Variants in OSBPL3 observed in about 807,000 individuals in gnomAD.
OSBPL3 encodes oxysterol binding protein like 3, also known as oxysterol-binding protein-related protein 3.
Under a neutral mutation model 120.1 loss-of-function variants are expected in OSBPL3, and 65 were observed. That is an observed-to-expected ratio of 0.54 (90% CI 0.44 to 0.67). The LOEUF is 0.67. Ranked by LOEUF, OSBPL3 falls within the 30% of genes least tolerant of loss-of-function variation. The pLI, the probability that OSBPL3 is intolerant of heterozygous loss-of-function variation, is 0.00. For missense variants in OSBPL3, 1,004 were observed against 1,082.1 expected, an observed-to-expected ratio of 0.93 and a Z score of 1.01; for synonymous variants, 416 against 402.6, an observed-to-expected ratio of 1.03 and a Z score of -0.40.
chr7:24,951,120 T>C (rs1393518288), intron 1 of OSBPL3, among the ~76,000 whole-genome samples: 2 of 152,146 alleles, frequency 1.3e-5, no homozygotes, highest in Admixed American at 6.6e-5. Flanking sequence ...AATCAAATTA[T>C]TGATTGTAGC....
rs1489066274 is a variant in OSBPL3 at position 24,808,949 on chromosome 7, G to A, written c.2317+858C>T. 6.6e-6 allele frequency among the ~76,000 whole-genome samples: 1 copy of A among 152,090 alleles called. No homozygotes were observed. Among genetic ancestry groups the A allele is most frequent in the Non-Finnish European group, 1.5e-5 (1 of 68,016 alleles). On this transcript the variant is annotated intron_variant, in intron 20 of 22. Transcript: ENST00000313367. The surrounding 1 kb of genome is among the most constrained non-coding windows in gnomAD (Gnocchi z 4.6). ...TCATGCAGGGGTATGACACTGAATG[G>A]TAACAACCATTTTGCATTCATTAGG...
rs879431172 is a variant in OSBPL3, at chr7:24,940,121, A to C, written c.-150+39765T>G. On this transcript the variant is annotated intron_variant, in intron 1 of 22. Coordinates refer to ENST00000313367, the MANE Select transcript of OSBPL3 (RefSeq NM_015550.4). This position sits in a 1 kb window ranked among gnomAD's most constrained non-coding sequence, Gnocchi z 4.4. ...AAATGAGATTGTGAAAGAAAGTTAT[A>C]TTCTTGAAGAGCATAATAAAGGTTT... is the stretch of plus-strand genomic sequence containing the variant. Among the ~76,000 whole-genome samples, 6 of 152,346 alleles carry C rather than the reference A, an allele frequency of 3.9e-5. No individual in the cohort carries two copies. Among genetic ancestry groups the C allele is most frequent in the Non-Finnish European group, 7.4e-5 (5 of 68,026 alleles).
intron 1 of OSBPL3, among the ~76,000 whole-genome samples, chr7:24,904,007 C>T (rs191085584): frequency 1.3e-5 from 2 of 152,120 alleles, no homozygotes; most frequent in Non-Finnish European, 2.9e-5. Flanking sequence ...CTCAGCCTCC[C>T]GAGTAGCGGA....
chr7:24,828,210 G>A (rs1795923716), intron 16 of OSBPL3, among the ~76,000 whole-genome samples: 1 of 152,096 alleles, frequency 6.6e-6, no homozygotes, highest in Non-Finnish European at 1.5e-5. Flanking sequence ...ATTCTTAGTA[G>A]AGATGGGGTT....
In OSBPL3 at chr7:24,955,024, G is replaced by A. The variant is rs925058657; in HGVS notation, c.-150+24862C>T. Among the ~76,000 whole-genome samples, 1 of 152,070 alleles carries A rather than the reference G, an allele frequency of 6.6e-6. No individual in the cohort carries two copies. Among genetic ancestry groups the A allele is most frequent in the Non-Finnish European group, 1.5e-5 (1 of 68,022 alleles). On this transcript the variant is annotated intron_variant, in intron 1 of 22. Coordinates refer to ENST00000313367, the MANE Select transcript of OSBPL3 (RefSeq NM_015550.4). This position sits in a 1 kb window ranked among gnomAD's most constrained non-coding sequence, Gnocchi z 4.3. Reference sequence around the variant, plus strand: ...GCCTCAAAGATCCATAATGTGCCTTGGTTACCTCTTGATTCTCAGTATCTG... The same window carrying A: ...GCCTCAAAGATCCATAATGTGCCTTAGTTACCTCTTGATTCTCAGTATCTG...
chr7:24,826,184 T>C (rs1795684051), intron 16 of OSBPL3, among the ~76,000 whole-genome samples: 1 of 152,204 alleles, frequency 6.6e-6, no homozygotes, highest in Non-Finnish European at 1.5e-5. Flanking sequence ...ACTTAGTCCC[T>C]GAACAGTAAG....
At position 24,882,310 on chromosome 7, in the gene OSBPL3, C is replaced by T. The variant is rs371696172; in HGVS notation, c.96+10067G>A. Among the ~76,000 whole-genome samples the T allele has an allele frequency of 2.0e-5, 3 of 150,780 alleles. No individual in the cohort carries two copies. The East Asian group carries it at 5.9e-4, about 30-fold the overall frequency. On this transcript the variant is annotated intron_variant, in intron 2 of 22. Coordinates refer to ENST00000313367, the MANE Select transcript of OSBPL3 (RefSeq NM_015550.4). ...TAGATCATTCCACTCTCTATGTCCA[C>T]CTGAATACATTTTTTAGCACTCACT...
Position 24,817,804 on chromosome 7 carries a change from A to G in OSBPL3, c.1949-1116T>C, listed in dbSNP as rs1794653692. Among the ~76,000 whole-genome samples, 2 of 152,232 alleles carry G rather than the reference A, an allele frequency of 1.3e-5. No individual in the cohort carries two copies. Among genetic ancestry groups the G allele is most frequent in the Non-Finnish European group, 2.9e-5 (2 of 68,038 alleles). ...AAATACTAAAGAAGAAGAAATAGGC[A>G]CTAGGTCAACTAGGTGACAAGTTAG... On this transcript the variant is annotated intron_variant, in intron 17 of 22. Coordinates refer to ENST00000313367, the MANE Select transcript of OSBPL3 (RefSeq NM_015550.4). This position sits in a 1 kb window ranked among gnomAD's most constrained non-coding sequence, Gnocchi z 4.0.
At chr7:24,981,761 AATCG>A (rs1818390551), upstream of OSBPL3, 1 of 152,184 alleles carries the variant, frequency 6.6e-6, no homozygotes, top group Non-Finnish European at 1.5e-5. The surrounding 1 kb of genome is among the most constrained non-coding windows in gnomAD (Gnocchi z 7.3). Context: ...GAAGATTTCA[AATCG>A]AATGACTCCG....
intron 1 of OSBPL3, among the ~76,000 whole-genome samples, chr7:24,911,803 A>G (rs1377890075): frequency 6.6e-6 from 1 of 152,238 alleles, no homozygotes; most frequent in African/African-American, 2.4e-5. Flanking sequence ...GATTACTGCA[A>G]AAAACTTAAC....
chr7:24,942,622 T>A (rs1813234788), intron 1 of OSBPL3, among the ~76,000 whole-genome samples: 1 of 152,206 alleles, frequency 6.6e-6, no homozygotes, highest in Non-Finnish European at 1.5e-5. Flanking sequence ...CCATTTTTCT[T>A]CCTGTTAGGT....
Position 24,831,607 on chromosome 7 carries a change from C to T in OSBPL3, c.1747-702G>A, listed in dbSNP as rs191142509. On this transcript the variant is annotated intron_variant, in intron 15 of 22. Coordinates refer to ENST00000313367, the MANE Select transcript of OSBPL3 (RefSeq NM_015550.4). This position sits in a 1 kb window ranked among gnomAD's most constrained non-coding sequence, Gnocchi z 4.0. Reference sequence around the variant, plus strand: ...GGTCTTGGCGTCTTTAGCAATTCCCCGTCAGGGCATCAGGGAGGCACATTA... The same window carrying T: ...GGTCTTGGCGTCTTTAGCAATTCCCTGTCAGGGCATCAGGGAGGCACATTA... Among the ~76,000 whole-genome samples the T allele has an allele frequency of 8.5e-5, 13 of 152,338 alleles. No homozygotes were observed. The highest frequency in any genetic ancestry group is 3.1e-4 in the African/African-American group (13 of 41,576).
At chr7:24,865,147 G>A (rs1238245186) in intron 7 of OSBPL3, among the ~76,000 whole-genome samples, 195 bp downstream of exon 7, 1 of 152,198 alleles carries the variant, frequency 6.6e-6, no homozygotes, top group Non-Finnish European at 1.5e-5. Context: ...CTGTCTGCAT[G>A]TACAGCCAGG....
At chr7:24,975,978 A>C (rs1385288205) in intron 1 of OSBPL3, among the ~76,000 whole-genome samples, 1 of 152,198 alleles carries the variant, frequency 6.6e-6, no homozygotes, top group Non-Finnish European at 1.5e-5. Flanking sequence ...ACCAGCTCAC[A>C]GGGGTGGGGA....
chr7:24,859,378 T>G (rs1800224552), intron 10 of OSBPL3, among the ~76,000 whole-genome samples: 1 of 152,120 alleles, frequency 6.6e-6, no homozygotes, highest in Admixed American at 6.5e-5. Flanking sequence ...GAAAGATAAA[T>G]AAGCACTTAG....
At chr7:24,927,000 A>T (rs1811139571) in intron 1 of OSBPL3, among the ~76,000 whole-genome samples, 2 of 152,242 alleles carry the variant, frequency 1.3e-5, no homozygotes, top group African/African-American at 4.8e-5. Context: ...TATAATCACG[A>T]ATTTTTATTC....
At chr7:24,962,771 A>G (rs1226437116) in intron 1 of OSBPL3, among the ~76,000 whole-genome samples, 3 of 152,182 alleles carry the variant, frequency 2.0e-5, no homozygotes, top group African/African-American at 7.2e-5. Flanking sequence ...TGAAGCTAGC[A>G]CTACTTTTGG....
intron 1 of OSBPL3, among the ~76,000 whole-genome samples, chr7:24,960,034 G>A (rs115881461): frequency 6.6e-6 from 1 of 152,146 alleles, no homozygotes; most frequent in African/African-American, 2.4e-5. Flanking sequence ...TACCAAAATA[G>A]CTATTACTCT....
intron 5 of OSBPL3, among the ~76,000 whole-genome samples, chr7:24,868,655 G>A (rs998381549): frequency 2.0e-5 from 3 of 152,148 alleles, no homozygotes; most frequent in Non-Finnish European, 2.9e-5. Context: ...CTATAAGACT[G>A]GAAGCACCTG....
Sources: allele counts gnomAD v4.1 joint callset (sites outside exome capture counted in the v4.1 genomes callset), GRCh38; gene constraint gnomAD v4.1.1; non-coding constraint Gnocchi (gnomAD v3.1); transcripts MANE v1.5; gene names NCBI Gene and HGNC (gene_info 2026-07-23, HGNC 2026-07-21).